Variants in PRKAG2 observed in about 807,000 individuals in gnomAD.
PRKAG2 encodes the protein protein kinase AMP-activated non-catalytic subunit gamma 2.
Under a neutral mutation model 69.6 loss-of-function variants are expected in PRKAG2, and 26 were observed. The ratio of observed to expected loss-of-function variants is 0.37; its 90% CI spans 0.27 to 0.52. The LOEUF is 0.52. PRKAG2 is among the 20% of genes least tolerant of loss of function. The pLI, the probability that PRKAG2 is intolerant of heterozygous loss-of-function variation, is 0.90. For missense variants in PRKAG2, 557 were observed against 740.0 expected (o/e 0.75, Z 2.87); for synonymous variants, 293 against 285.0 (o/e 1.03, Z -0.28).
intron 3 of PRKAG2, among the ~76,000 whole-genome samples, chr7:151,753,925 T>C (rs1056350163): frequency 6.6e-6 from 1 of 152,068 alleles, no homozygotes; most frequent in Non-Finnish European, 1.5e-5. Context: ...TCGCAGCTAC[T>C]CAGGAGGTTG....
intron 13 of PRKAG2, 126 bp from the exon 14 acceptor site, chr7:151,564,350 T>TACATCAG: frequency 1.0e-6 from 1 of 974,080 alleles, no homozygotes; most frequent in Non-Finnish European, 1.6e-6. Flanking sequence ...AGTACCTGCA[T>TACATCAG]ACATCAGACG....
intron 3 of PRKAG2, among the ~76,000 whole-genome samples, chr7:151,773,239 A>G (rs1347250116): frequency 1.3e-5 from 2 of 151,928 alleles, no homozygotes; most frequent in African/African-American, 4.8e-5. Context: ...AAAGGAAAGG[A>G]AAGAAAGAAG....
intron 5 of PRKAG2, among the ~76,000 whole-genome samples, chr7:151,626,407 A>G (rs76175335): frequency 0.012 from 1,870 of 152,342 alleles, 47 homozygotes; most frequent in African/African-American, 0.042. Context: ...CCAGCTCCAG[A>G]GGAACAACTT....
intron 3 of PRKAG2, among the ~76,000 whole-genome samples, chr7:151,757,783 G>C (rs2075183116): frequency 6.6e-6 from 1 of 152,200 alleles, no homozygotes; most frequent in Non-Finnish European, 1.5e-5. Flanking sequence ...ACCCCATCAT[G>C]AAATCAACCG....
intron 4 of PRKAG2, among the ~76,000 whole-genome samples, chr7:151,639,127 G>A (rs1826242291): frequency 6.6e-6 from 1 of 152,160 alleles, no homozygotes. Context: ...GCTCCACACT[G>A]CCATCATCTC....
intron 5 of PRKAG2, among the ~76,000 whole-genome samples, chr7:151,629,782 T>G (rs950757504): frequency 6.6e-6 from 1 of 152,226 alleles, no homozygotes; most frequent in Non-Finnish European, 1.5e-5. Context: ...AATGCATACA[T>G]GAAGACGTTA....
In PRKAG2 at chr7:151,808,109, G is replaced by A. The variant is rs1481214162; in HGVS notation, c.115-21568C>T. Among the ~76,000 whole-genome samples the A allele has an allele frequency of 2.6e-5, 4 of 152,110 alleles. No homozygotes were observed. The East Asian group carries it at 7.7e-4, about 29-fold the overall frequency. On this transcript the variant is annotated intron_variant, in intron 1 of 15. Transcript: ENST00000287878. ...CGGGGCTCCCCACCCATCACCTAGTGTCCTCACTCACTGCACTCCAGACTT... is the reference window on the plus strand; with the variant it reads ...CGGGGCTCCCCACCCATCACCTAGTATCCTCACTCACTGCACTCCAGACTT...
intron 1 of PRKAG2, among the ~76,000 whole-genome samples, chr7:151,857,530 G>A (rs2079815426): frequency 6.6e-6 from 1 of 152,212 alleles, no homozygotes; most frequent in South Asian, 2.1e-4. Context: ...CCATCTGTCT[G>A]TTCAGCACAG....
chr7:151,848,533 T>A (rs1218213425), intron 1 of PRKAG2, among the ~76,000 whole-genome samples: 1 of 138,640 alleles, frequency 7.2e-6, no homozygotes, highest in Non-Finnish European at 1.6e-5. Flanking sequence ...TTTTTTTTTT[T>A]TTTTTTTTGA....
At chr7:151,842,416 G>A (rs1348512498) in intron 1 of PRKAG2, among the ~76,000 whole-genome samples, 16 of 139,702 alleles carry the variant, frequency 1.1e-4, no homozygotes, top group African/African-American at 2.7e-4. Context: ...GGATGGTAGT[G>A]ATGGTAGGTG....
At chr7:151,868,561 C>G (rs547997018) in intron 1 of PRKAG2, among the ~76,000 whole-genome samples, 1 of 152,362 alleles carries the variant, frequency 6.6e-6, no homozygotes, top group East Asian at 1.9e-4. Flanking sequence ...TTTTAAACGA[C>G]GTTGACAGAA....
At chr7:151,876,119 C>T (rs756308015) in intron 1 of PRKAG2, among the ~76,000 whole-genome samples, 223 of 149,080 alleles carry the variant, frequency 1.5e-3, no homozygotes, top group Non-Finnish European at 2.7e-3. Flanking sequence ...CAGCCGAGCG[C>T]GGGCTCCACC....
intron 1 of PRKAG2, among the ~76,000 whole-genome samples, chr7:151,871,024 C>T (rs1010947853): frequency 3.3e-5 from 5 of 152,196 alleles, no homozygotes; most frequent in Admixed American, 3.3e-4. Context: ...CTCAGTGTCC[C>T]CAAAGACTTC....
intron 5 of PRKAG2, among the ~76,000 whole-genome samples, chr7:151,607,085 T>C (rs1048643568): frequency 3.9e-5 from 6 of 152,262 alleles, no homozygotes; most frequent in Non-Finnish European, 8.8e-5. Flanking sequence ...AACATTATTA[T>C]GCAAGGGAGT....
chr7:151,658,299 A>G (rs934372094), intron 4 of PRKAG2, among the ~76,000 whole-genome samples: 7 of 151,634 alleles, frequency 4.6e-5, no homozygotes, highest in African/African-American at 7.3e-5. Flanking sequence ...CAGCCTGACC[A>G]ACATGGTGAA....
At chr7:151,675,807 G>C (rs1052505913) in intron 3 of PRKAG2, among the ~76,000 whole-genome samples, 170 bp from the exon 4 acceptor site, 6 of 152,138 alleles carry the variant, frequency 3.9e-5, no homozygotes, top group African/African-American at 1.4e-4. Context: ...AGGGACATTG[G>C]AGGTGGTCAG....
intron 1 of PRKAG2, among the ~76,000 whole-genome samples, chr7:151,839,221 A>G (rs1031571647): frequency 6.6e-6 from 1 of 152,190 alleles, no homozygotes. Context: ...AAGAATCAGA[A>G]AAGTCGTGAT....
intron 4 of PRKAG2, among the ~76,000 whole-genome samples, chr7:151,654,333 A>G (rs995388133): frequency 6.6e-6 from 1 of 152,116 alleles, no homozygotes; most frequent in African/African-American, 2.4e-5. Flanking sequence ...CAATCACAGC[A>G]TTGCTAGCTT....
In PRKAG2 at chr7:151,632,170, T is replaced by C. The variant is rs1824710368; in HGVS notation, c.685-32A>G. 3.1e-6 allele frequency: 4 copies of C among 1,299,298 alleles called. No individual in the cohort carries two copies. Among genetic ancestry groups the C allele is most frequent in the Non-Finnish European group, 3.9e-6 (4 of 1,013,142 alleles). The allele number at this position is 1,299,298 out of a possible 1,614,324, so 80.5% of individuals were successfully genotyped here. On this transcript the variant is annotated intron_variant, in intron 4 of 15. Coordinates refer to ENST00000287878, the MANE Select transcript of PRKAG2 (RefSeq NM_016203.4). This position sits in a 1 kb window ranked among gnomAD's most constrained non-coding sequence, Gnocchi z 4.2. ...GGGAGGAGGAGGACAGCGATCAGCA[T>C]GAGCTGCGACGCTCGTCCCCGGCCG...
Sources: allele counts gnomAD v4.1 joint callset (sites outside exome capture counted in the v4.1 genomes callset), GRCh38; gene constraint gnomAD v4.1.1; non-coding constraint Gnocchi (gnomAD v3.1); transcripts MANE v1.5; gene names NCBI Gene and HGNC (gene_info 2026-07-23, HGNC 2026-07-21).